JMJD1C: variants seen among roughly 807,000 people sequenced by gnomAD.
JMJD1C encodes jumonji domain containing 1C.
In JMJD1C, 31 loss-of-function variants were observed where a neutral mutation model predicts 245.3. The ratio of observed to expected loss-of-function variants is 0.13; its 90% CI spans 0.09 to 0.17. The LOEUF (loss-of-function observed/expected upper bound fraction) is 0.17, where lower values mean the gene tolerates loss of function less well. JMJD1C is among the 10% of genes least tolerant of loss of function. JMJD1C has a pLI of 1.00. For synonymous variants in JMJD1C, 1,057 were observed against 1,017.4 expected, an observed-to-expected ratio of 1.04 and a Z score of -0.74; for missense variants, 2,691 against 3,000.2, an observed-to-expected ratio of 0.90 and a Z score of 2.41.
intron 1 of JMJD1C, among the ~76,000 whole-genome samples, chr10:63,513,145 A>T (rs1386137511): frequency 6.6e-6 from 1 of 152,124 alleles, no homozygotes; most frequent in Non-Finnish European, 1.5e-5. Context: ...ATAGCCTAGA[A>T]ATAAAGCCAC....
At chr10:63,176,501 C>T (rs978066012) in intron 23 of JMJD1C, 28 bp from the exon 24 acceptor site, 2 of 1,520,398 alleles carry the variant, frequency 1.3e-6, no homozygotes, top group African/African-American at 1.4e-5. Context: ...ATAGACACTC[C>T]AATTTAAGTA....
chr10:63,391,181 A>C (rs1026393060), intron 1 of JMJD1C, among the ~76,000 whole-genome samples: 3 of 152,184 alleles, frequency 2.0e-5, no homozygotes, highest in African/African-American at 7.2e-5. Flanking sequence ...AATCAGTAGC[A>C]TTTCTATATA....
At chr10:63,432,318 A>C (rs973165250) in intron 1 of JMJD1C, among the ~76,000 whole-genome samples, 2 of 152,182 alleles carry the variant, frequency 1.3e-5, no homozygotes, top group Non-Finnish European at 2.9e-5. Flanking sequence ...TTGGGGAGGC[A>C]CTGCCTTTGG....
chr10:63,374,246 T>C (rs934007863), intron 2 of JMJD1C, among the ~76,000 whole-genome samples: 2 of 152,130 alleles, frequency 1.3e-5, no homozygotes, highest in Non-Finnish European at 2.9e-5. Context: ...AAAATACAAG[T>C]TGCTCATAAA....
chr10:63,213,775 T>C lies in JMJD1C; in HGVS notation c.2392A>G (p.Thr798Ala). ...HAVHHPHLLP[T>A]VLPGVPTASL... ...GCAGTAGGCACTCCAGGTAACACAG[T>C]GGGAAGTAAATGAGGGTGATGAACA... is the stretch of plus-strand genomic sequence containing the variant. The change falls in exon 8 of 26, where the codon ACT becomes GCT. Residue 798 changes from threonine (T) to alanine (A), a missense_variant. Physicochemically the swap from Thr to Ala is moderately conservative, Grantham distance 58. Coordinates refer to ENST00000399262, the MANE Select transcript of JMJD1C (RefSeq NM_032776.3). The C allele has an allele frequency of 6.2e-7, 1 of 1,613,882 alleles. No individual in the cohort carries two copies. Among genetic ancestry groups the C allele is most frequent in the Non-Finnish European group, 8.5e-7 (1 of 1,179,948 alleles).
chr10:63,392,867 A>ACACACAC (rs1554918146), intron 1 of JMJD1C, among the ~76,000 whole-genome samples: 1 of 112,262 alleles, frequency 8.9e-6, no homozygotes, highest in Non-Finnish European at 1.7e-5. Flanking sequence ...AAAGTACATA[A>ACACACAC]ACACACACAC....
chr10:63,344,487 C>A (rs1943641043), intron 2 of JMJD1C, among the ~76,000 whole-genome samples: 1 of 152,048 alleles, frequency 6.6e-6, no homozygotes, highest in African/African-American at 2.4e-5. Context: ...TTAAGTGATG[C>A]ATGGCTATTC....
chr10:63,419,798 G>A (rs1380135547), intron 1 of JMJD1C, among the ~76,000 whole-genome samples: 1 of 142,788 alleles, frequency 7.0e-6, no homozygotes, highest in Non-Finnish European at 1.5e-5. Flanking sequence ...CTATCACCAG[G>A]CACCTGGATG....
intron 24 of JMJD1C, among the ~76,000 whole-genome samples, chr10:63,169,225 G>C (rs1385049361): frequency 6.6e-6 from 1 of 152,120 alleles, no homozygotes; most frequent in Non-Finnish European, 1.5e-5. Context: ...TGACCAAACA[G>C]TTTTCCCAAG....
At chr10:63,281,450 C>T (rs140269117) in intron 2 of JMJD1C, among the ~76,000 whole-genome samples, 6 of 124,764 alleles carry the variant, frequency 4.8e-5, no homozygotes, top group Admixed American at 1.8e-4. Flanking sequence ...TGAGCCACTG[C>T]GCCTGGCCTT....
At chr10:63,442,456 A>C (rs1951446601) in intron 1 of JMJD1C, among the ~76,000 whole-genome samples, 1 of 152,230 alleles carries the variant, frequency 6.6e-6, no homozygotes, top group African/African-American at 2.4e-5. Context: ...TAAACTTCTA[A>C]AAAGAAGAGA....
rs115467061 is a variant in JMJD1C at position 63,503,552 on chromosome 10, C to T, written n.113+18186G>A. On this transcript the variant is annotated intron_variant and non_coding_transcript_variant, in intron 1 of 3. Coordinates refer to the JMJD1C transcript ENST00000633035. ...TTCTATACCAGTAATGTGCCTGCCC[C>T]ACCCTTACTCCTGTCCCTTACTCCC... Among the ~76,000 whole-genome samples, 144 of 152,288 alleles carry T rather than the reference C, an allele frequency of 9.5e-4. 1 individual carries two copies. The highest frequency in any genetic ancestry group is 3.4e-3 in the African/African-American group (142 of 41,562).
At chr10:63,402,726 G>A (rs545525393) in intron 1 of JMJD1C, among the ~76,000 whole-genome samples, 1 of 152,030 alleles carries the variant, frequency 6.6e-6, no homozygotes, top group African/African-American at 2.4e-5. Context: ...CTCACCACTC[G>A]ATTTACTTTT....
At chr10:63,518,420 T>C (rs1955093862) in intron 1 of JMJD1C, among the ~76,000 whole-genome samples, 1 of 152,230 alleles carries the variant, frequency 6.6e-6, no homozygotes, top group African/African-American at 2.4e-5. Context: ...AAATGATTTA[T>C]AATAACATAT....
chr10:63,209,656 AT>A (rs1847090751), intron 8 of JMJD1C, among the ~76,000 whole-genome samples: 1 of 152,184 alleles, frequency 6.6e-6, no homozygotes, highest in Non-Finnish European at 1.5e-5. Context: ...TCATTTGTCA[AT>A]TTTTGTCATC....
chr10:63,204,506 TAAGTTTTACTC>T, intron 10 of JMJD1C: 2 of 985,442 alleles, frequency 2.0e-6, no homozygotes, highest in Non-Finnish European at 2.4e-6. Context: ...TTTTGTTTTT[TAAGTTTTACTC>T]AAGTATCTGA....
chr10:63,186,247 T>G lies in JMJD1C; in HGVS notation c.6707A>C (p.Lys2236Thr), dbSNP rs370493099. The change falls in exon 19 of 26, where the codon AAG becomes ACG. Residue 2236 changes from lysine to threonine, a missense_variant. Physicochemically the swap from Lys to Thr is moderately conservative, Grantham distance 78 (BLOSUM62 -1). Around this residue, in one of 9 missense-constraint regions of JMJD1C, gnomAD observed 232 missense variants for 416.1 expected, o/e 0.56. Coordinates refer to ENST00000399262, the MANE Select transcript of JMJD1C (RefSeq NM_032776.3). Reference protein sequence around the residue: ...KDSIISNANVKEFWDGFEEVS... With the variant: ...KDSIISNANVTEFWDGFEEVS... ...TTCTTCAAAACCATCCCAGAATTCCTTAACATTGGCATTTGAAATGATGCT... is the reference window on the plus strand; with the variant it reads ...TTCTTCAAAACCATCCCAGAATTCCGTAACATTGGCATTTGAAATGATGCT... The G allele has an allele frequency of 3.6e-5, 58 of 1,611,808 alleles. No homozygotes were observed. Among genetic ancestry groups the G allele is most frequent in the Middle Eastern group, 3.3e-4 (2 of 6,070 alleles).
chr10:63,175,936 G>A (rs1394100981), intron 24 of JMJD1C, among the ~76,000 whole-genome samples: 1 of 152,150 alleles, frequency 6.6e-6, no homozygotes, highest in African/African-American at 2.4e-5. Flanking sequence ...GCTGAAGAAA[G>A]GTAGGAGGTA....
intron 2 of JMJD1C, among the ~76,000 whole-genome samples, chr10:63,325,693 A>C (rs1457027840): frequency 6.6e-6 from 1 of 152,208 alleles, no homozygotes; most frequent in East Asian, 1.9e-4. Context: ...AAATTCCTTA[A>C]GTATGTACTT....
Sources: allele counts gnomAD v4.1 joint callset (sites outside exome capture counted in the v4.1 genomes callset), GRCh38; gene constraint gnomAD v4.1.1; regional missense constraint gnomAD v4.1.1; transcripts MANE v1.5; gene names NCBI Gene and HGNC (gene_info 2026-07-23, HGNC 2026-07-21).